Variants in RDX observed in about 807,000 individuals in gnomAD.
RDX encodes the protein deafness, autosomal recessive 24.
In RDX, 32 loss-of-function variants were observed where a neutral mutation model predicts 83.7. The observed-to-expected ratio is 0.38, with a 90% CI of 0.29 to 0.51. The LOEUF is 0.51. RDX is among the 20% of genes least tolerant of loss of function. The probability of loss-of-function intolerance (pLI) is 0.87; values close to 1 mark genes in which losing one functional copy is unlikely to be tolerated. For synonymous variants in RDX, 229 were observed against 222.7 expected, an observed-to-expected ratio of 1.03 and a Z score of -0.25; for missense variants, 600 against 689.9, an observed-to-expected ratio of 0.87 and a Z score of 1.46.
At chr11:110,213,884 A>C (rs2134261288) in intron 14 of RDX, among the ~76,000 whole-genome samples, 1 of 91,280 alleles carries the variant, frequency 1.1e-5, no homozygotes, top group African/African-American at 4.3e-5. Context: ...AACCATAAAA[A>C]CTCTAGAAGA....
chr11:110,189,268 AGACAAGGGCATTACAT>A (rs1369166582), intron 15 of RDX, among the ~76,000 whole-genome samples: 58 of 130,696 alleles, frequency 4.4e-4, no homozygotes, highest in African/African-American at 1.6e-3. Flanking sequence ...AAAAAAAAAA[AGACAAGGGCATTACAT>A]AATGACAAAG....
intron 14 of RDX, among the ~76,000 whole-genome samples, chr11:110,221,664 G>T (rs1195799387): frequency 6.9e-6 from 1 of 144,040 alleles, no homozygotes; most frequent in Admixed American, 6.9e-5. Context: ...AAGTTTATAG[G>T]CACAAGAACA....
intron 15 of RDX, among the ~76,000 whole-genome samples, chr11:110,175,589 C>T (rs1056983286): frequency 6.6e-6 from 1 of 152,214 alleles, no homozygotes; most frequent in African/African-American, 2.4e-5. Flanking sequence ...GGTGTCAGTG[C>T]ACAGAGGGTC....
chr11:110,221,850 C>T (rs141977760), intron 14 of RDX, among the ~76,000 whole-genome samples: 10 of 152,234 alleles, frequency 6.6e-5, no homozygotes, highest in African/African-American at 2.4e-4. Flanking sequence ...ACCATACTTT[C>T]TATACCTCAA....
chr11:110,263,590 G>A (rs1247066709), intron 5 of RDX, among the ~76,000 whole-genome samples: 2 of 151,848 alleles, frequency 1.3e-5, no homozygotes, highest in Non-Finnish European at 2.9e-5. Flanking sequence ...GCCAGGTGCG[G>A]TGGCTCATGC....
At chr11:110,284,092 C>T (rs991953737) in intron 1 of RDX, among the ~76,000 whole-genome samples, 3 of 152,126 alleles carry the variant, frequency 2.0e-5, no homozygotes, top group Non-Finnish European at 2.9e-5. Flanking sequence ...ATATTAATTA[C>T]GCATGCTAAG....
chr11:110,198,275 A>C (rs950934908), intron 15 of RDX, among the ~76,000 whole-genome samples: 5 of 136,992 alleles, frequency 3.6e-5, no homozygotes, highest in African/African-American at 5.3e-5. Flanking sequence ...TGAGTCAAAT[A>C]GTCTCTGCCA....
intron 1 of RDX, among the ~76,000 whole-genome samples, chr11:110,291,269 G>A (rs1167931875): frequency 6.6e-6 from 1 of 152,200 alleles, no homozygotes; most frequent in Non-Finnish European, 1.5e-5. Flanking sequence ...AAGCCCTGGA[G>A]TTCGTGGCAT....
chr11:110,179,539 G>A (rs1245076933), intron 15 of RDX, among the ~76,000 whole-genome samples: 3 of 152,294 alleles, frequency 2.0e-5, no homozygotes, highest in African/African-American at 4.8e-5. Context: ...TCGGAAGGCC[G>A]AGGTGGGCAT....
intron 3 of RDX, among the ~76,000 whole-genome samples, chr11:110,266,289 T>C (rs1030620605): frequency 2.6e-4 from 39 of 151,422 alleles, no homozygotes; most frequent in African/African-American, 7.3e-4. Context: ...GCCGAGATCG[T>C]GCCACTGCAC....
At chr11:110,210,279 G>A (rs1863783581) in intron 14 of RDX, among the ~76,000 whole-genome samples, 1 of 135,492 alleles carries the variant, frequency 7.4e-6, no homozygotes, top group African/African-American at 2.9e-5. Flanking sequence ...GAGAAGGGAA[G>A]TTTAGAGAAA....
chr11:110,289,552 A>T (rs1390323215), intron 1 of RDX, among the ~76,000 whole-genome samples: 1 of 152,150 alleles, frequency 6.6e-6, no homozygotes, highest in Non-Finnish European at 1.5e-5. Context: ...AATTTAATCC[A>T]AGCCAAAGGG....
At chr11:110,261,935 T>C (rs1463258494) in intron 5 of RDX, among the ~76,000 whole-genome samples, 3 of 152,208 alleles carry the variant, frequency 2.0e-5, no homozygotes, top group Non-Finnish European at 2.9e-5. Context: ...AATTACTTCA[T>C]CTGCTGCTCA....
At chr11:110,208,791 T>C (rs1863699600) in intron 14 of RDX, among the ~76,000 whole-genome samples, 1 of 152,136 alleles carries the variant, frequency 6.6e-6, no homozygotes, top group Non-Finnish European at 1.5e-5. Flanking sequence ...ACCCCTTCTC[T>C]ATAAAAATAC....
At chr11:110,282,028 T>A (rs907233390) in intron 1 of RDX, among the ~76,000 whole-genome samples, 1 of 149,370 alleles carries the variant, frequency 6.7e-6, no homozygotes. Context: ...GAAGTGCAGG[T>A]TGAAGTGAGC....
chr11:110,245,204 A>G (rs182250075), intron 10 of RDX, among the ~76,000 whole-genome samples: 19 of 152,232 alleles, frequency 1.2e-4, no homozygotes, highest in African/African-American at 4.3e-4. Context: ...TGCCCGCCTC[A>G]GCCTCCCAAA....
chr11:110,280,365 T>C (rs1312019296), intron 1 of RDX, among the ~76,000 whole-genome samples: 1 of 152,162 alleles, frequency 6.6e-6, no homozygotes, highest in African/African-American at 2.4e-5. Context: ...TGCCTTGGGC[T>C]CCCAAGTAGC....
Position 110,264,009 on chromosome 11 carries a change from CTT to C in RDX, c.416_417del (p.Lys139ArgfsTer4). 6.2e-7 allele frequency: 1 copy of C among 1,613,774 alleles called. No individual in the cohort carries two copies. Among genetic ancestry groups the C allele is most frequent in the Non-Finnish European group, 8.5e-7 (1 of 1,179,726 alleles). On this transcript the variant is annotated frameshift_variant, in exon 5 of 14. Coordinates refer to ENST00000645495, the MANE Select transcript of RDX (RefSeq NM_002906.4). LOFTEE classifies it high-confidence loss of function. ...GCCAGGTAGCCTGGCTTATGAATCT[CTT>C]TATTGTAATCTCCATACTTGGCTTG... ...AVQAKYGDYN[K>X]EIHKPGYLAN...
At chr11:110,221,571 C>A (rs879822999) in intron 14 of RDX, among the ~76,000 whole-genome samples, 88 of 148,834 alleles carry the variant, frequency 5.9e-4, no homozygotes, top group Non-Finnish European at 1.0e-3. Flanking sequence ...GTTCTCCAGC[C>A]TGGGCAACAG....
Sources: allele counts gnomAD v4.1 joint callset (sites outside exome capture counted in the v4.1 genomes callset), GRCh38; gene constraint gnomAD v4.1.1; transcripts MANE v1.5; gene names NCBI Gene and HGNC (gene_info 2026-07-23, HGNC 2026-07-21).